ABCA12: variants seen among roughly 807,000 people sequenced by gnomAD.
ABCA12 encodes the protein glucosylceramide transporter ABCA12.
In ABCA12, 156 loss-of-function variants were observed where a neutral mutation model predicts 293.5. That is an observed-to-expected ratio of 0.53 (90% CI 0.47 to 0.61). The LOEUF is 0.61. ABCA12 is among the 20% of genes least tolerant of loss of function. The pLI, the probability that ABCA12 is intolerant of heterozygous loss-of-function variation, is 0.00. For missense variants in ABCA12, 2,797 were observed against 3,090.2 expected (o/e 0.91, Z 2.25); for synonymous variants, 1,063 against 1,108.0 (o/e 0.96, Z 0.81).
chr2:215,065,974 G>A (rs565629240), intron 2 of ABCA12, among the ~76,000 whole-genome samples: 3 of 152,194 alleles, frequency 2.0e-5, no homozygotes, highest in South Asian at 4.1e-4. Context: ...AGAGAGATTG[G>A]TGCCTTTCCT....
chr2:215,026,941 G>A lies in ABCA12; in HGVS notation c.1062-3C>T. The A allele has an allele frequency of 1.3e-6, 2 of 1,545,506 alleles. No individual in the cohort carries two copies. Among genetic ancestry groups the A allele is most frequent in the Non-Finnish European group, 1.8e-6 (2 of 1,117,920 alleles). ...CAAAGTTTTCCAGAATTAGGAGCCTGCAGAATTAGAAAAGAATATAGAAAT... is the reference window on the plus strand; with the variant it reads ...CAAAGTTTTCCAGAATTAGGAGCCTACAGAATTAGAAAAGAATATAGAAAT... On this transcript the variant is annotated splice_region_variant and splice_polypyrimidine_tract_variant and intron_variant, in intron 9 of 52. Transcript: ENST00000272895.
In ABCA12 at chr2:215,015,611, G is replaced by T. The variant is rs777356785; in HGVS notation, c.1835C>A (p.Pro612His). The change falls in exon 15 of 53, where the codon CCC becomes CAC. Residue 612 changes from proline (P) to histidine (H), a missense_variant. Around this residue, in one of 3 missense-constraint regions of ABCA12, gnomAD observed 2,130 missense variants for 2,427.0 expected, o/e 0.88. Transcript: ENST00000272895. ...TTCTTTCATTGCATCTTCTAGTTTG[G>T]GAGTGGTGATATTAGTATCACAGGA... is the stretch of plus-strand genomic sequence containing the variant. ...LHSCDTNITTPKLEDAMKEFC... is the reference protein window; with the variant it reads ...LHSCDTNITTHKLEDAMKEFC... 6.8e-6 allele frequency: 11 copies of T among 1,614,018 alleles called. No individual in the cohort carries two copies. In the South Asian group the frequency reaches 1.2e-4, roughly 18 times the overall value.
At chr2:214,965,122 G>A (rs1389534702) in intron 39 of ABCA12, among the ~76,000 whole-genome samples, 2 of 151,978 alleles carry the variant, frequency 1.3e-5, no homozygotes, top group Non-Finnish European at 2.9e-5. Context: ...AACAAACAAT[G>A]GGGAAAAAGA....
At chr2:214,938,225 G>A (rs1698283176) in intron 50 of ABCA12, among the ~76,000 whole-genome samples, 1 of 151,860 alleles carries the variant, frequency 6.6e-6, no homozygotes, top group South Asian at 2.1e-4. Context: ...CTGTTCCTGT[G>A]TTAGTTTGCT....
At chr2:215,017,059 T>C (rs191674576) in intron 14 of ABCA12, among the ~76,000 whole-genome samples, 1 of 152,342 alleles carries the variant, frequency 6.6e-6, no homozygotes, top group Admixed American at 6.5e-5. Context: ...CAATGAATAT[T>C]ATTTACTAGT....
In ABCA12 at chr2:214,942,974, C is replaced by A; in HGVS notation, c.7387G>T (p.Val2463Leu). Residue 2463 changes from valine (V) to leucine (L), a missense_variant, in exon 50 of 53, where the codon GTG becomes TTG. Coordinates refer to ENST00000272895, the MANE Select transcript of ABCA12 (RefSeq NM_173076.3). ...EALCTRLAIMVNGKFQCIGSL... is the reference protein window; with the variant it reads ...EALCTRLAIMLNGKFQCIGSL... Reference sequence around the variant, plus strand: ...CCAATACATTGAAACTTTCCATTCACCATAATGGCCAACCTGGTACAGAGA... The same window carrying A: ...CCAATACATTGAAACTTTCCATTCAACATAATGGCCAACCTGGTACAGAGA... The A allele has an allele frequency of 6.2e-7, 1 of 1,613,502 alleles. No homozygotes were observed. The highest frequency in any genetic ancestry group is 8.5e-7 in the Non-Finnish European group (1 of 1,179,820).
At chr2:215,133,932 T>C (rs1703117798) in intron 1 of ABCA12, among the ~76,000 whole-genome samples, 1 of 152,084 alleles carries the variant, frequency 6.6e-6, no homozygotes, top group Non-Finnish European at 1.5e-5. Flanking sequence ...CTTGAAGAAA[T>C]CTGACTTTGA....
In ABCA12 at chr2:215,001,543, T is replaced by C. The variant is rs780983516; in HGVS notation, c.2863+15A>G. 14 of 1,613,442 alleles carry C rather than the reference T, an allele frequency of 8.7e-6. No individual in the cohort carries two copies. Among genetic ancestry groups the C allele is most frequent in the Middle Eastern group, 3.3e-4 (2 of 6,052 alleles). On this transcript the variant is annotated intron_variant, in intron 21 of 52. Transcript: ENST00000272895. ...GCACAAAGAGATGCTCAAACCCTAA[T>C]AGAACAGCACTTACTTCCAAAGAGT... is the stretch of plus-strand genomic sequence containing the variant.
At chr2:215,122,925 C>A (rs777419561) in intron 1 of ABCA12, among the ~76,000 whole-genome samples, 6 of 152,094 alleles carry the variant, frequency 3.9e-5, no homozygotes, top group Non-Finnish European at 8.8e-5. Flanking sequence ...TAGGTAATTT[C>A]TCACCCATCA....
intron 3 of ABCA12, among the ~76,000 whole-genome samples, chr2:215,060,328 C>T (rs950331251): frequency 6.6e-6 from 1 of 152,014 alleles, no homozygotes; most frequent in African/African-American, 2.4e-5. Context: ...TGTACGAATT[C>T]ATTATATTCT....
chr2:214,943,211 T>C (rs1698464249), intron 49 of ABCA12, among the ~76,000 whole-genome samples, 194 bp from the exon 50 acceptor site: 1 of 152,122 alleles, frequency 6.6e-6, no homozygotes, highest in African/African-American at 2.4e-5. Flanking sequence ...GAACATGGCT[T>C]ACTGTAGCCT....
chr2:214,974,288 T>G (rs1169257432), intron 35 of ABCA12, among the ~76,000 whole-genome samples: 1 of 152,210 alleles, frequency 6.6e-6, no homozygotes, highest in South Asian at 2.1e-4. Context: ...TTGAATTGTC[T>G]TACTGTGTCA....
At chr2:214,938,255 T>C (rs1001445524) in intron 50 of ABCA12, among the ~76,000 whole-genome samples, 2 of 152,206 alleles carry the variant, frequency 1.3e-5, no homozygotes, top group African/African-American at 4.8e-5. Flanking sequence ...GGTTTCCAGC[T>C]TTATCCATGT....
At chr2:214,998,105 C>A (rs1229785607) in intron 22 of ABCA12, among the ~76,000 whole-genome samples, 1 of 151,960 alleles carries the variant, frequency 6.6e-6, no homozygotes, top group Non-Finnish European at 1.5e-5. Context: ...AAAATAATTA[C>A]TATATAGATA....
At chr2:214,947,239 A>C (rs1196201530) in intron 48 of ABCA12, among the ~76,000 whole-genome samples, 183 bp downstream of exon 48, 1 of 152,188 alleles carries the variant, frequency 6.6e-6, no homozygotes, top group Non-Finnish European at 1.5e-5. Context: ...TGTGGTAACA[A>C]ATTATTTGCT....
At chr2:215,085,088 CAAA>C (rs34532043) in intron 2 of ABCA12, among the ~76,000 whole-genome samples, 1 of 95,786 alleles carries the variant, frequency 1.0e-5, no homozygotes. Context: ...ACCCTGTCTC[CAAA>C]AAAAAAAAAA....
At chr2:215,110,004 T>G (rs1276730478) in intron 2 of ABCA12, among the ~76,000 whole-genome samples, 1 of 152,212 alleles carries the variant, frequency 6.6e-6, no homozygotes, top group Non-Finnish European at 1.5e-5. Context: ...CTACTTAAGA[T>G]ATGTAGAAAT....
At chr2:215,033,831 C>T (rs934528347) in intron 8 of ABCA12, among the ~76,000 whole-genome samples, 1 of 151,970 alleles carries the variant, frequency 6.6e-6, no homozygotes, top group Non-Finnish European at 1.5e-5. Context: ...GTCCCAGGTA[C>T]TTGGGAGGCT....
intron 2 of ABCA12, among the ~76,000 whole-genome samples, chr2:215,067,294 C>T (rs374626724): frequency 5.9e-5 from 9 of 151,998 alleles, no homozygotes; most frequent in East Asian, 1.9e-4. Flanking sequence ...CTTTCTTTCA[C>T]GAAACTTCCA....
Sources: gnomAD v4.1 joint callset for allele counts (sites outside exome capture counted in the v4.1 genomes callset) on GRCh38, gnomAD v4.1.1 for gene constraint, gnomAD v4.1.1 regional missense constraint, MANE v1.5 for transcripts, NCBI Gene and HGNC (gene_info 2026-07-23, HGNC 2026-07-21) for gene names.